Variants in CTNNA2 observed in about 807,000 individuals in gnomAD.
CTNNA2 encodes catenin alpha 2, also known as catenin alpha-2.
Under a neutral mutation model 101.0 loss-of-function variants are expected in CTNNA2, and 42 were observed. The ratio of observed to expected loss-of-function variants is 0.42; its 90% CI spans 0.32 to 0.54. The LOEUF is 0.54. Ranked by LOEUF, CTNNA2 falls within the 20% of genes least tolerant of loss-of-function variation. The pLI, the probability that CTNNA2 is intolerant of heterozygous loss-of-function variation, is 0.14. For missense variants in CTNNA2, 871 were observed against 1,223.1 expected (o/e 0.71, Z 4.29); for synonymous variants, 450 against 456.4 (o/e 0.99, Z 0.18).
chr2:80,434,250 T>C (rs1681816794), intron 9 of CTNNA2, among the ~76,000 whole-genome samples: 1 of 152,224 alleles, frequency 6.6e-6, no homozygotes, highest in Admixed American at 6.5e-5. Flanking sequence ...TTCATGTAGT[T>C]GCTCATAATT....
intron 2 of CTNNA2, among the ~76,000 whole-genome samples, chr2:79,722,903 G>A (rs1686580357): frequency 6.6e-6 from 1 of 152,126 alleles, no homozygotes; most frequent in South Asian, 2.1e-4. Flanking sequence ...GGATTGCTAT[G>A]CTGTGTTTTA....
intron 7 of CTNNA2, among the ~76,000 whole-genome samples, chr2:80,354,793 C>T (rs1345381330): frequency 6.6e-6 from 1 of 152,114 alleles, no homozygotes; most frequent in Non-Finnish European, 1.5e-5. Context: ...GGTGCTAAAG[C>T]TGCCGGTCTG....
intron 18 of CTNNA2, among the ~76,000 whole-genome samples, chr2:80,628,137 T>C (rs1671881249): frequency 6.6e-6 from 1 of 152,072 alleles, no homozygotes; most frequent in Non-Finnish European, 1.5e-5. Context: ...TGGAAAAGCA[T>C]TCCATGCTCA....
At chr2:80,269,458 C>T (rs552950219) in intron 7 of CTNNA2, among the ~76,000 whole-genome samples, 8 of 152,106 alleles carry the variant, frequency 5.3e-5, no homozygotes, top group South Asian at 2.1e-4. Flanking sequence ...TTGTAAGTCT[C>T]GGGTATATCC....
chr2:80,071,009 C>T (rs941076755), intron 7 of CTNNA2, among the ~76,000 whole-genome samples: 5 of 152,176 alleles, frequency 3.3e-5, no homozygotes, highest in Admixed American at 2.0e-4. Flanking sequence ...TCTCAAGATC[C>T]TTAACTTACT....
chr2:80,569,651 T>TG (rs1558598264), intron 12 of CTNNA2, among the ~76,000 whole-genome samples: 3 of 111,850 alleles, frequency 2.7e-5, no homozygotes, highest in African/African-American at 9.2e-5. Flanking sequence ...TTTTTTTTTT[T>TG]TTTTTTTTTG....
At chr2:79,862,273 A>G (rs769161847) in intron 4 of CTNNA2, among the ~76,000 whole-genome samples, 4 of 152,032 alleles carry the variant, frequency 2.6e-5, no homozygotes, top group African/African-American at 7.3e-5. Flanking sequence ...CCAGAAGTCA[A>G]GTTTCCTTAG....
chr2:80,132,638 A>T (rs1384900372), intron 7 of CTNNA2, among the ~76,000 whole-genome samples: 1 of 152,180 alleles, frequency 6.6e-6, no homozygotes, highest in East Asian at 1.9e-4. Flanking sequence ...GAATTGGAGA[A>T]TGGGGGTGAG....
intron 2 of CTNNA2, among the ~76,000 whole-genome samples, chr2:79,672,780 G>A (rs549261262): frequency 6.1e-5 from 9 of 147,302 alleles, no homozygotes; most frequent in African/African-American, 2.3e-4. Flanking sequence ...ACAATCCTCA[G>A]CTCACTGCAA....
chr2:80,591,904 T>C (rs1267540275), intron 15 of CTNNA2, among the ~76,000 whole-genome samples: 7 of 152,180 alleles, frequency 4.6e-5, no homozygotes, highest in Admixed American at 4.6e-4. Context: ...CTCATGTCTT[T>C]TTCCCACTCA....
intron 18 of CTNNA2, among the ~76,000 whole-genome samples, chr2:80,627,403 G>A (rs949325085): frequency 3.3e-5 from 5 of 151,982 alleles, no homozygotes; most frequent in South Asian, 2.1e-4. Flanking sequence ...TTTAATGATC[G>A]CCATTCTAAC....
At chr2:80,360,100 C>T (rs1204756891) in intron 7 of CTNNA2, among the ~76,000 whole-genome samples, 2 of 152,036 alleles carry the variant, frequency 1.3e-5, no homozygotes, top group East Asian at 3.9e-4. Context: ...GTCTTAAACA[C>T]CTCTCATTAA....
At chr2:79,310,320 G>A (rs1676338746) in intron 2 of CTNNA2, among the ~76,000 whole-genome samples, 1 of 152,028 alleles carries the variant, frequency 6.6e-6, no homozygotes, top group Non-Finnish European at 1.5e-5. Context: ...CATTATGGAG[G>A]TTTTTGAAAA....
chr2:79,595,440 G>A (rs1000611495), intron 1 of CTNNA2, among the ~76,000 whole-genome samples: 9 of 152,044 alleles, frequency 5.9e-5, no homozygotes, highest in Non-Finnish European at 1.2e-4. Context: ...ACACCCATAG[G>A]CATCCCAAAT....
chr2:79,964,065 A>G lies in CTNNA2; in HGVS notation c.1056+54268A>G, dbSNP rs562850173. Among the ~76,000 whole-genome samples, 10 of 137,698 alleles carry G rather than the reference A, an allele frequency of 7.3e-5. No individual in the cohort carries two copies. The East Asian group carries it at 1.7e-3, about 24-fold the overall frequency. 90.3% of individuals were successfully genotyped at this position (137,698 alleles called of 152,430 possible). Reference sequence around the variant, plus strand: ...GGGTGTTCCAGTGGTTATCAGCTCTAAGACCACACATTCTGCAGACAGAGC... The same window carrying G: ...GGGTGTTCCAGTGGTTATCAGCTCTGAGACCACACATTCTGCAGACAGAGC... On this transcript the variant is annotated intron_variant, in intron 7 of 18. Coordinates refer to ENST00000402739, the MANE Select transcript of CTNNA2 (RefSeq NM_001282597.3).
At chr2:79,692,279 T>C (rs1684356532) in intron 2 of CTNNA2, among the ~76,000 whole-genome samples, 2 of 152,188 alleles carry the variant, frequency 1.3e-5, no homozygotes, top group South Asian at 2.1e-4. Context: ...AAACTCATCA[T>C]CACTGGTCAT....
intron 7 of CTNNA2, among the ~76,000 whole-genome samples, chr2:79,991,254 G>C (rs527821756): frequency 1.3e-5 from 2 of 152,208 alleles, no homozygotes; most frequent in East Asian, 1.9e-4. Context: ...ATGGAGACTA[G>C]TACTTAGAGT....
chr2:80,087,075 A>G (rs1030035718), intron 7 of CTNNA2, among the ~76,000 whole-genome samples: 2 of 151,998 alleles, frequency 1.3e-5, no homozygotes, highest in African/African-American at 4.8e-5. Context: ...TTATTTTGCT[A>G]TGTCAACCTT....
intron 7 of CTNNA2, among the ~76,000 whole-genome samples, chr2:80,112,869 G>A (rs995563715): frequency 2.6e-5 from 4 of 152,116 alleles, no homozygotes; most frequent in African/African-American, 9.7e-5. Flanking sequence ...AATTATATTT[G>A]GATCACCTGT....
Sources: gnomAD v4.1 joint callset for allele counts (sites outside exome capture counted in the v4.1 genomes callset) on GRCh38, gnomAD v4.1.1 for gene constraint, MANE v1.5 for transcripts, NCBI Gene and HGNC (gene_info 2026-07-23, HGNC 2026-07-21) for gene names.